Variants in CYP2A13 observed in about 807,000 individuals in gnomAD.
The protein encoded by CYP2A13 is cytochrome P450 2A13.
A neutral mutation model predicts 39.4 loss-of-function variants in CYP2A13; 30 were observed. The observed-to-expected ratio is 0.76, with a 90% CI of 0.57 to 1.03. The LOEUF (loss-of-function observed/expected upper bound fraction) is 1.03. Among genes scored for constraint, CYP2A13 ranks in the 50% least tolerant of loss-of-function variants. The pLI is 0.00. For missense variants in CYP2A13, 731 were observed against 648.4 expected (o/e 1.13, Z -1.38); for synonymous variants, 269 against 254.7 (o/e 1.06, Z -0.54).
Position 41,095,904 on chromosome 19 carries a change from T to C in CYP2A13, c.1448T>C (p.Ile483Thr). ...CCCAAACACGTGGGCTTTGCCACGA[T>C]CCCACGAAACTACACCATGAGCTTC... ...VSPKHVGFATIPRNYTMSFLP... is the reference protein window; with the variant it reads ...VSPKHVGFATTPRNYTMSFLP... Residue 483 changes from isoleucine to threonine, a missense_variant, in exon 9 of 9, where the codon ATC (isoleucine) becomes ACC (threonine). Coordinates refer to ENST00000330436, the MANE Select transcript of CYP2A13 (RefSeq NM_000766.5). The C allele has an allele frequency of 6.2e-7, 1 of 1,609,432 alleles. No homozygotes were observed. Among genetic ancestry groups the C allele is most frequent in the South Asian group, 1.1e-5 (1 of 90,912 alleles).
chr19:41,095,022 C>G lies in CYP2A13; in HGVS notation c.1225C>G (p.Arg409Gly), dbSNP rs765414081. 2 of 1,614,144 alleles carry G rather than the reference C, an allele frequency of 1.2e-6. No homozygotes were observed. The highest frequency in any genetic ancestry group is 1.7e-6 in the Non-Finnish European group (2 of 1,180,036). ...AGACCCCAGGTTCTTCTCCAACCCC[C>G]GGGACTTCAATCCCCAGCACTTCCT... ...LRDPRFFSNP[R>G]DFNPQHFLDK... is the part of the protein sequence containing the mutation. Residue 409 changes from arginine (R) to glycine (G), a missense_variant, in exon 8 of 9, where the codon CGG (arginine) becomes GGG (glycine). Arg to Gly is a moderately radical substitution (Grantham distance 125). Coordinates refer to ENST00000330436, the MANE Select transcript of CYP2A13 (RefSeq NM_000766.5).
intron 8 of CYP2A13, 31 bp downstream of exon 8, chr19:41,095,131 G>T: frequency 6.2e-7 from 1 of 1,613,896 alleles, no homozygotes; most frequent in Non-Finnish European, 8.5e-7. Flanking sequence ...GCCAGGCCAC[G>T]GCTCACACCA....
intron 3 of CYP2A13, 36 bp downstream of exon 3, chr19:41,090,232 C>G (rs750404962): frequency 6.5e-7 from 1 of 1,547,836 alleles, no homozygotes; most frequent in Non-Finnish European, 8.7e-7. Flanking sequence ...GGCGGGAACC[C>G]GCGCTTTCTG....
rs1568366690 is a variant in CYP2A13, at chr19:41,089,846, C to CG, written c.344-201_344-200insG. On this transcript the variant is annotated intron_variant, in intron 2 of 8. Transcript: ENST00000330436. ...TCTCTCTCTCTCTCTCTCTCTCTCT[C>CG]TCTCTCTCTCTCTCTCTCTCTCTCT... is the stretch of plus-strand genomic sequence containing the variant. Among the ~76,000 whole-genome samples the CG allele has an allele frequency of 8.2e-5, 10 of 121,362 alleles. 1 individual carries two copies. The highest frequency in any genetic ancestry group is 2.7e-4 in the South Asian group (1 of 3,714). 79.6% of individuals were successfully genotyped at this position (121,362 alleles called of 152,430 possible). A position where few individuals can be genotyped will look rare whatever the true frequency, so the allele number is the denominator to read the frequency against.
In CYP2A13 at chr19:41,090,451, G is replaced by A. The variant is rs142926983; in HGVS notation, c.541G>A (p.Val181Ile). The A allele has an allele frequency of 2.2e-4, 350 of 1,614,124 alleles. No homozygotes were observed. The highest frequency in any genetic ancestry group is 3.5e-4 in the Admixed American group (21 of 60,018). Residue 181 changes from valine (V) to isoleucine (I), a missense_variant, in exon 4 of 9, where the codon GTC becomes ATC. By Grantham distance (29) the Val-to-Ile change is conservative. Transcript: ENST00000330436. Reference sequence around the variant, plus strand: ...CTTCCTGAGCCGCACAGTCTCCAATGTCATCAGCTCCATTGTCTTTGGGGA... The same window carrying A: ...CTTCCTGAGCCGCACAGTCTCCAATATCATCAGCTCCATTGTCTTTGGGGA... ...TFFLSRTVSN[V>I]ISSIVFGDRF...
intron 7 of CYP2A13, 76 bp from the exon 8 acceptor site, chr19:41,094,883 C>T (rs184043301): frequency 1.3e-6 from 2 of 1,552,180 alleles, no homozygotes; most frequent in Non-Finnish European, 8.8e-7. Flanking sequence ...CACCCTAGTT[C>T]CCCCTGCAGC....
rs1568368742 is a variant in CYP2A13, at chr19:41,095,990, CCGGGGCAGGGG to C, written c.*56_*66del. The C allele has an allele frequency of 4.0e-6, 5 of 1,234,988 alleles. No individual in the cohort carries two copies. The South Asian group carries it at 5.5e-5, about 14-fold the overall frequency. The allele number at this position is 1,234,988 out of a possible 1,614,324, so 76.5% of individuals were successfully genotyped here. On this transcript the variant is annotated 3_prime_UTR_variant, in exon 9 of 9. Coordinates refer to ENST00000330436, the MANE Select transcript of CYP2A13 (RefSeq NM_000766.5). ...CTGGTGGGCGGGGCCAGGGAAACGG[CCGGGGCAGGGG>C]CGGGGCTTGTGGGAGGGGCGGGGCT...
Position 41,095,181 on chromosome 19 carries a change from A to T in CYP2A13, c.1303+81A>T, listed in dbSNP as rs1342340853. The T allele has an allele frequency of 5.0e-6, 8 of 1,612,038 alleles. No homozygotes were observed. In the African/African-American group the frequency reaches 6.7e-5, roughly 13 times the overall value. On this transcript the variant is annotated intron_variant, in intron 8 of 8. Transcript: ENST00000330436. ...CACCCACCTCCCCTCTCTGCGGTGTAGCCTGGTATTTCTCCAGCTTGGAAG... is the reference window on the plus strand; with the variant it reads ...CACCCACCTCCCCTCTCTGCGGTGTTGCCTGGTATTTCTCCAGCTTGGAAG...
chr19:41,089,373 G>C (rs1266951669), intron 2 of CYP2A13, among the ~76,000 whole-genome samples: 2 of 151,742 alleles, frequency 1.3e-5, no homozygotes, highest in African/African-American at 4.8e-5. Flanking sequence ...GGACATCCTG[G>C]GTTTCTGTTT....
intron 1 of CYP2A13, 65 bp from the exon 2 acceptor site, chr19:41,088,864 C>G: frequency 6.3e-7 from 1 of 1,596,804 alleles, no homozygotes. Context: ...TACATGATAT[C>G]TCAGTGCTGG....
rs1381100972 is a variant in CYP2A13 at position 41,096,064 on chromosome 19, G to T, written c.*123G>T. On this transcript the variant is annotated 3_prime_UTR_variant, in exon 9 of 9. Coordinates refer to ENST00000330436, the MANE Select transcript of CYP2A13 (RefSeq NM_000766.5). ...AGTGGGGGAAGGAAGGGGAGAGGTG[G>T]TTAGAGGGAACAGAAGAAACAGAAG... 30 of 1,414,432 alleles carry T rather than the reference G, an allele frequency of 2.1e-5. No individual in the cohort carries two copies. Among genetic ancestry groups the T allele is most frequent in the Non-Finnish European group, 2.7e-5 (28 of 1,041,460 alleles). 87.6% of individuals were successfully genotyped at this position (1,414,432 alleles called of 1,614,324 possible).
In CYP2A13 at chr19:41,088,508, G is replaced by T. The variant is rs1218302447; in HGVS notation, c.37G>T (p.Ala13Ser). The stretch of plus-strand genomic sequence containing the variant: ...AGGGCTGCTTCTGGTGACCTTGCTG[G>T]CCTGCCTGACTGTGATGGTCTTGAT... ...ASGLLLVTLL[A>S]CLTVMVLMSV... is the part of the protein sequence containing the mutation. Residue 13 changes from alanine to serine, a missense_variant, in exon 1 of 9, where the codon GCC becomes TCC. Coordinates refer to ENST00000330436, the MANE Select transcript of CYP2A13 (RefSeq NM_000766.5). 1 of 1,613,948 alleles carries T rather than the reference G, an allele frequency of 6.2e-7. No homozygotes were observed. Among genetic ancestry groups the T allele is most frequent in the South Asian group, 1.1e-5 (1 of 91,076 alleles).
At chr19:41,094,578 T>C (rs1388206478) in intron 7 of CYP2A13, 146 bp downstream of exon 7, 18 of 927,804 alleles carry the variant, frequency 1.9e-5, no homozygotes, top group South Asian at 3.1e-5. Flanking sequence ...CCACCACATC[T>C]GTTCCACCTT....
chr19:41,090,270 G>C, intron 3 of CYP2A13, 74 bp downstream of exon 3: 2 of 1,557,780 alleles, frequency 1.3e-6, no homozygotes, highest in Non-Finnish European at 1.7e-6. Context: ...GGTGGGGAAA[G>C]GGGCCCGCAC....
At chr19:41,095,542 G>T (rs1313253139) in intron 8 of CYP2A13, among the ~76,000 whole-genome samples, 1 of 152,134 alleles carries the variant, frequency 6.6e-6, no homozygotes, top group East Asian at 1.9e-4. Flanking sequence ...GTAAACTATG[G>T]ACTTTGGTTA....
Position 41,089,045 on chromosome 19 carries a change from C to T in CYP2A13, c.297C>T (p.Ser99=), listed in dbSNP as rs777323292. The T allele has an allele frequency of 9.3e-6, 15 of 1,613,164 alleles. No homozygotes were observed. Among genetic ancestry groups the T allele is most frequent in the Middle Eastern group, 1.8e-4 (1 of 5,602 alleles). The change falls in exon 2 of 9, where the codon AGC becomes AGT. Residue 99 remains serine (S), a synonymous_variant. Transcript: ENST00000330436. Reference sequence around the variant, plus strand: ...TGGTGGACCAGGCTGAGGAGTTCAGCGGGCGAGGCGAGCAGGCCACCTTCG... The same window carrying T: ...TGGTGGACCAGGCTGAGGAGTTCAGTGGGCGAGGCGAGCAGGCCACCTTCG... ...EALVDQAEEF[S]GRGEQATFDW...
intron 8 of CYP2A13, 57 bp from the exon 9 acceptor site, chr19:41,095,703 G>T: frequency 1.9e-6 from 3 of 1,601,594 alleles, no homozygotes; most frequent in Non-Finnish European, 2.6e-6. Context: ...GTCAGTAGGG[G>T]TTGAGGCTGC....
chr19:41,095,210 C>T, intron 8 of CYP2A13, 110 bp downstream of exon 8: 2 of 1,602,746 alleles, frequency 1.2e-6, no homozygotes, highest in Admixed American at 1.7e-5. Context: ...TTGGAAGTTC[C>T]TGTTAGAATC....
In CYP2A13 at chr19:41,095,869, C is replaced by T. The variant is rs758878167; in HGVS notation, c.1413C>T (p.Ile471=). 14 of 1,613,984 alleles carry T rather than the reference C, an allele frequency of 8.7e-6. No individual in the cohort carries two copies. The highest frequency in any genetic ancestry group is 4.5e-5 in the East Asian group (2 of 44,872). ...RFKSPQSPKD[I]DVSPKHVGFA... is the part of the protein sequence containing the mutation. Reference sequence around the variant, plus strand: ...AGTCCCCTCAGTCGCCTAAGGATATCGACGTGTCCCCCAAACACGTGGGCT... The same window carrying T: ...AGTCCCCTCAGTCGCCTAAGGATATTGACGTGTCCCCCAAACACGTGGGCT... Residue 471 remains isoleucine, a synonymous_variant, in exon 9 of 9, where the codon ATC becomes ATT. Transcript: ENST00000330436.
Sources: allele counts gnomAD v4.1 joint callset (sites outside exome capture counted in the v4.1 genomes callset), GRCh38; gene constraint gnomAD v4.1.1; transcripts MANE v1.5; gene names NCBI Gene and HGNC (gene_info 2026-07-23, HGNC 2026-07-21).